ZSWIM5: variants seen among roughly 807,000 people sequenced by gnomAD.
The protein encoded by ZSWIM5 is zinc finger SWIM-type containing 5.
A neutral mutation model predicts 119.6 loss-of-function variants in ZSWIM5; 55 were observed. That is an observed-to-expected ratio of 0.46 (90% CI 0.37 to 0.58). The LOEUF (loss-of-function observed/expected upper bound fraction) is 0.58. ZSWIM5 is among the 20% of genes least tolerant of loss of function. The pLI, the probability that ZSWIM5 is intolerant of heterozygous loss-of-function variation, is 0.00. For synonymous variants in ZSWIM5, 537 were observed against 606.9 expected, an observed-to-expected ratio of 0.88 and a Z score of 1.69; for missense variants, 1,193 against 1,512.8, an observed-to-expected ratio of 0.79 and a Z score of 3.51.
At chr1:45,180,870 G>A (rs975911054) in intron 1 of ZSWIM5, among the ~76,000 whole-genome samples, 1 of 152,016 alleles carries the variant, frequency 6.6e-6, no homozygotes, top group Non-Finnish European at 1.5e-5. Context: ...TGCAGCTGAG[G>A]GTCCTGTCTG....
intron 1 of ZSWIM5, among the ~76,000 whole-genome samples, chr1:45,190,926 A>ATTTTTTTTTTTTTTTTTTT (rs1557794312): frequency 1.4e-5 from 1 of 72,200 alleles, no homozygotes; most frequent in African/African-American, 5.7e-5. Flanking sequence ...AAATAGCTGG[A>ATTTTTTTTTTTTTTTTTTT]ATTTTTTTTT....
In ZSWIM5 at chr1:45,085,531, T is replaced by TG. The variant is rs895415892; in HGVS notation, c.952+2349_952+2350insC. Among the ~76,000 whole-genome samples the TG allele has an allele frequency of 9.4e-5, 14 of 148,276 alleles. No homozygotes were observed. In the South Asian group the frequency reaches 1.1e-3, roughly 11 times the overall value. On this transcript the variant is annotated intron_variant, in intron 2 of 13. Transcript: ENST00000359600. ...CTAGTTTTAGGTTAGTTTGTTTGTT[T>TG]TTTTTTTTTTTTTTTTGCTCATGAA... is the stretch of plus-strand genomic sequence containing the variant.
chr1:45,110,392 A>G (rs961265529), intron 1 of ZSWIM5, among the ~76,000 whole-genome samples: 3 of 152,216 alleles, frequency 2.0e-5, no homozygotes, highest in African/African-American at 7.2e-5. Context: ...CATCTAATTC[A>G]GGTCTAGATT....
intron 1 of ZSWIM5, among the ~76,000 whole-genome samples, chr1:45,103,919 C>A (rs985408695): frequency 6.6e-6 from 1 of 152,114 alleles, no homozygotes; most frequent in African/African-American, 2.4e-5. Flanking sequence ...GGCCCCTAGG[C>A]AGGTGTTAAT....
At chr1:45,133,940 C>T (rs1346788754) in intron 1 of ZSWIM5, among the ~76,000 whole-genome samples, 5 of 151,740 alleles carry the variant, frequency 3.3e-5, no homozygotes, top group East Asian at 1.9e-4. Context: ...GTATTATTTC[C>T]GAGGGCTCTG....
At chr1:45,148,972 A>G (rs984828302) in intron 1 of ZSWIM5, among the ~76,000 whole-genome samples, 4 of 152,220 alleles carry the variant, frequency 2.6e-5, no homozygotes, top group Non-Finnish European at 5.9e-5. Flanking sequence ...TTCAAAATAC[A>G]TATTAATAAT....
intron 1 of ZSWIM5, among the ~76,000 whole-genome samples, chr1:45,177,277 CTTAT>C (rs1395710836): frequency 6.6e-6 from 1 of 152,092 alleles, no homozygotes; most frequent in African/African-American, 2.4e-5. Context: ...AATGCTTGTT[CTTAT>C]TTATTTTACA....
chr1:45,142,477 T>C (rs1175048993), intron 1 of ZSWIM5, among the ~76,000 whole-genome samples: 2 of 152,178 alleles, frequency 1.3e-5, no homozygotes, highest in East Asian at 3.9e-4. Context: ...TTGGTCTCCC[T>C]AGTAGCTTGG....
intron 9 of ZSWIM5, 43 bp downstream of exon 9, chr1:45,035,996 C>A: frequency 6.3e-7 from 1 of 1,597,568 alleles, no homozygotes; most frequent in South Asian, 1.1e-5. Context: ...AGCTCAGGGT[C>A]ATGGGCCAAA....
intron 6 of ZSWIM5, 104 bp from the exon 7 acceptor site, chr1:45,040,642 A>C: frequency 1.1e-6 from 1 of 939,584 alleles, no homozygotes; most frequent in Non-Finnish European, 1.5e-6. Context: ...CTCAAATTCA[A>C]CCTGACACCT....
At chr1:45,099,268 C>T (rs1645423148) in intron 1 of ZSWIM5, among the ~76,000 whole-genome samples, 1 of 152,176 alleles carries the variant, frequency 6.6e-6, no homozygotes. Context: ...ATACTATAAA[C>T]ACCTCTACAA....
intron 2 of ZSWIM5, among the ~76,000 whole-genome samples, chr1:45,079,433 G>A (rs769463087): frequency 1.3e-5 from 2 of 152,058 alleles, no homozygotes; most frequent in African/African-American, 4.8e-5. Context: ...GAGGAGTACC[G>A]CCAGACTACC....
chr1:45,108,454 G>C (rs945433885), intron 1 of ZSWIM5, among the ~76,000 whole-genome samples: 2 of 152,084 alleles, frequency 1.3e-5, no homozygotes, highest in Non-Finnish European at 2.9e-5. Flanking sequence ...TTATTTTTGA[G>C]AGCCTTCGAA....
At chr1:45,166,284 C>T (rs1462254776) in intron 1 of ZSWIM5, among the ~76,000 whole-genome samples, 1 of 152,058 alleles carries the variant, frequency 6.6e-6, no homozygotes, top group South Asian at 2.1e-4. Context: ...ATGCTAAAAA[C>T]TCTCAATAAA....
At chr1:45,128,434 A>G (rs1193750024) in intron 1 of ZSWIM5, among the ~76,000 whole-genome samples, 1 of 152,132 alleles carries the variant, frequency 6.6e-6, no homozygotes, top group Non-Finnish European at 1.5e-5. Context: ...CCTGGCCTCA[A>G]GCGATCCTCC....
intron 1 of ZSWIM5, among the ~76,000 whole-genome samples, chr1:45,114,345 A>C (rs1291759893): frequency 6.6e-6 from 1 of 152,204 alleles, no homozygotes; most frequent in East Asian, 1.9e-4. Flanking sequence ...TATTAATATA[A>C]AATAAAATAA....
At chr1:45,055,715 C>T (rs1645117720) in intron 4 of ZSWIM5, among the ~76,000 whole-genome samples, 1 of 152,008 alleles carries the variant, frequency 6.6e-6, no homozygotes, top group Non-Finnish European at 1.5e-5. Context: ...CTGGGGGGCA[C>T]TCAATATTTA....
In ZSWIM5 at chr1:45,074,403, T is replaced by C. The variant is rs190429136; in HGVS notation, c.952+13478A>G. ...TTTATTATGGCTTTGAATTTGTTAC[T>C]TGTTATTGGTCTGTTCAAGTTTTGG... is the stretch of plus-strand genomic sequence containing the variant. On this transcript the variant is annotated intron_variant, in intron 2 of 13. Coordinates refer to ENST00000359600, the MANE Select transcript of ZSWIM5 (RefSeq NM_020883.2). Among the ~76,000 whole-genome samples the C allele has an allele frequency of 3.3e-5, 5 of 152,012 alleles. 1 individual carries two copies. The highest frequency in any genetic ancestry group is 2.6e-4 in the Admixed American group (4 of 15,286).
At chr1:45,078,598 C>A (rs561965023) in intron 2 of ZSWIM5, among the ~76,000 whole-genome samples, 1 of 152,278 alleles carries the variant, frequency 6.6e-6, no homozygotes, top group African/African-American at 2.4e-5. Context: ...TGGCCACCAC[C>A]ACCAGGACTG....
Sources: allele counts gnomAD v4.1 joint callset (sites outside exome capture counted in the v4.1 genomes callset), GRCh38; gene constraint gnomAD v4.1.1; transcripts MANE v1.5; gene names NCBI Gene and HGNC (gene_info 2026-07-23, HGNC 2026-07-21).